CDH18: variants seen among roughly 807,000 people sequenced by gnomAD.
CDH18 encodes cadherin-18.
Under a neutral mutation model 67.9 loss-of-function variants are expected in CDH18, and 31 were observed. The ratio of observed to expected loss-of-function variants is 0.46; its 90% confidence interval spans 0.34 to 0.62. The LOEUF (loss-of-function observed/expected upper bound fraction) is 0.62. Ranked by LOEUF, CDH18 falls within the 20% of genes least tolerant of loss-of-function variation. The pLI, the probability that CDH18 is intolerant of heterozygous loss-of-function variation, is 0.01. For missense variants in CDH18, 890 were observed against 975.5 expected, an observed-to-expected ratio of 0.91 and a Z score of 1.17; for synonymous variants, 362 against 347.2, an observed-to-expected ratio of 1.04 and a Z score of -0.48.
intron 1 of CDH18, among the ~76,000 whole-genome samples, chr5:20,437,802 A>T (rs1376238982): frequency 6.6e-6 from 1 of 151,368 alleles, no homozygotes; most frequent in Admixed American, 6.6e-5. Flanking sequence ...TAATAGCCTT[A>T]CAGAAAAACC....
chr5:20,456,228 C>T (rs1019387478), intron 1 of CDH18, among the ~76,000 whole-genome samples: 3 of 152,010 alleles, frequency 2.0e-5, no homozygotes, highest in Non-Finnish European at 4.4e-5. Flanking sequence ...ACTAAATAGA[C>T]ATTCCATATA....
At chr5:20,473,716 C>T (rs1053326373) in intron 1 of CDH18, among the ~76,000 whole-genome samples, 1 of 152,002 alleles carries the variant, frequency 6.6e-6, no homozygotes, top group Non-Finnish European at 1.5e-5. Flanking sequence ...CAATAAAGCA[C>T]GATTTCTTAT....
chr5:19,994,736 TATAGAGAGAGAGAGAGAGAG>T lies in CDH18; in HGVS notation c.-517-2742_-517-2723del, dbSNP rs1455679256. On this transcript the variant is annotated intron_variant, in intron 2 of 14. Transcript: ENST00000507958. ...ATATATATATATATATATATATATA[TATAGAGAGAGAGAGAGAGAG>T]AGAGAGAGAGAGAGAGAGAGAGAGA... Among the ~76,000 whole-genome samples the T allele has an allele frequency of 7.4e-3, 66 of 8,948 alleles. 4 individuals carry two copies. The highest frequency in any genetic ancestry group is 0.015 in the African/African-American group (30 of 2,056). The allele number at this position is 8,948 out of a possible 152,430, so 5.9% of individuals were successfully genotyped here.
At chr5:19,676,171 C>T (rs1335538212) in intron 5 of CDH18, among the ~76,000 whole-genome samples, 1 of 151,892 alleles carries the variant, frequency 6.6e-6, no homozygotes, top group Non-Finnish European at 1.5e-5. Flanking sequence ...AAAGATAAAA[C>T]AAAACCTATG....
chr5:19,883,122 G>A (rs548539188), intron 2 of CDH18, among the ~76,000 whole-genome samples: 8 of 152,130 alleles, frequency 5.3e-5, no homozygotes, highest in Admixed American at 1.3e-4. Flanking sequence ...ATGCTGGCTC[G>A]AGAGCACTGA....
intron 2 of CDH18, among the ~76,000 whole-genome samples, chr5:19,999,105 A>G (rs796648661): frequency 1.8e-4 from 28 of 152,312 alleles, no homozygotes; most frequent in African/African-American, 6.5e-4. Context: ...TGCTAAGGAA[A>G]AAGAGAAAAA....
chr5:20,063,662 A>G, intron 2 of CDH18, among the ~76,000 whole-genome samples: 1 of 152,162 alleles, frequency 6.6e-6, no homozygotes. Context: ...CAAACATTTA[A>G]ATCATATTGG....
chr5:20,251,331 G>C (rs181912197), intron 2 of CDH18, among the ~76,000 whole-genome samples: 1 of 152,120 alleles, frequency 6.6e-6, no homozygotes, highest in African/African-American at 2.4e-5. Flanking sequence ...CCCACCCACT[G>C]TATTTTTGCC....
intron 1 of CDH18, among the ~76,000 whole-genome samples, chr5:20,560,424 A>T (rs1278621778): frequency 6.6e-6 from 1 of 150,832 alleles, no homozygotes; most frequent in Non-Finnish European, 1.5e-5. Context: ...GTATGTTAGG[A>T]ATCATCTAAT....
In CDH18 at chr5:20,210,675, A is replaced by G. The variant is rs532560219; in HGVS notation, c.-518+44769T>C. 2.0e-5 allele frequency among the ~76,000 whole-genome samples: 3 copies of G among 152,122 alleles called. 1 individual carries two copies. The South Asian group carries it at 6.2e-4, about 32-fold the overall frequency. ...ATCCGATAGTGATTTAGGTGAAAAC[A>G]CTTCAAATATATTTTGAAAATGTAT... On this transcript the variant is annotated intron_variant, in intron 2 of 14. Coordinates refer to the CDH18 transcript ENST00000507958.
chr5:19,553,779 C>T (rs909010213), intron 8 of CDH18, among the ~76,000 whole-genome samples: 1 of 151,646 alleles, frequency 6.6e-6, no homozygotes, highest in Non-Finnish European at 1.5e-5. Flanking sequence ...AAGCTGGGAC[C>T]ATAGGTGTAT....
intron 3 of CDH18, among the ~76,000 whole-genome samples, chr5:19,800,208 G>A (rs1777306843): frequency 6.6e-6 from 1 of 152,064 alleles, no homozygotes; most frequent in South Asian, 2.1e-4. Context: ...GAGAAGCTCA[G>A]GAGTCAAACA....
chr5:20,173,416 G>A (rs1736996115), intron 2 of CDH18, among the ~76,000 whole-genome samples: 1 of 152,180 alleles, frequency 6.6e-6, no homozygotes, highest in South Asian at 2.1e-4. Context: ...AGAGCTTTCA[G>A]ACAGAAGGTT....
intron 5 of CDH18, among the ~76,000 whole-genome samples, chr5:19,692,417 GAATA>G (rs1178937906): frequency 1.3e-5 from 2 of 152,034 alleles, no homozygotes; most frequent in South Asian, 2.1e-4. Context: ...CTGCTCAGCA[GAATA>G]AATAATCAAC....
chr5:20,335,519 G>T (rs1301804066), intron 1 of CDH18, among the ~76,000 whole-genome samples: 1 of 151,966 alleles, frequency 6.6e-6, no homozygotes, highest in Non-Finnish European at 1.5e-5. Context: ...TTTCTTTAAG[G>T]TCACATTCCC....
At chr5:19,714,170 T>C (rs937040159) in intron 5 of CDH18, among the ~76,000 whole-genome samples, 3 of 152,128 alleles carry the variant, frequency 2.0e-5, no homozygotes, top group African/African-American at 7.2e-5. Context: ...ATAAAGCTGA[T>C]TGAGGGAGCA....
intron 1 of CDH18, among the ~76,000 whole-genome samples, chr5:20,405,196 G>C (rs532693717): frequency 6.6e-6 from 1 of 152,064 alleles, no homozygotes; most frequent in Non-Finnish European, 1.5e-5. Flanking sequence ...ATACTACAAG[G>C]CTACAGTAAC....
chr5:19,602,404 G>A (rs1448214123), intron 6 of CDH18, among the ~76,000 whole-genome samples: 2 of 151,906 alleles, frequency 1.3e-5, no homozygotes, highest in Admixed American at 1.3e-4. Flanking sequence ...ACAAAATATT[G>A]TGGAAATAAA....
chr5:19,588,604 T>A (rs913040924), intron 7 of CDH18, among the ~76,000 whole-genome samples: 4 of 151,442 alleles, frequency 2.6e-5, no homozygotes, highest in African/African-American at 9.7e-5. Context: ...AGACACAGAG[T>A]GGCAAGCTGG....
Sources: gnomAD v4.1 joint callset for allele counts (sites outside exome capture counted in the v4.1 genomes callset) on GRCh38, gnomAD v4.1.1 for gene constraint, MANE v1.5 for transcripts, NCBI Gene and HGNC (gene_info 2026-07-23, HGNC 2026-07-21) for gene names.